The following SYN2 variants were observed in gnomAD, a reference collection of about 807,000 sequenced individuals.
SYN2 encodes synapsin-2.
SYN2 carries 19 observed loss-of-function variants against 50.9 expected under a neutral mutation model. That is an observed-to-expected ratio of 0.37 (90% CI 0.26 to 0.55). The LOEUF is 0.55. Among genes scored for constraint, SYN2 ranks in the 20% least tolerant of loss-of-function variants. SYN2 has a pLI of 0.81. For missense variants in SYN2, 587 were observed against 576.4 expected (o/e 1.02, Z -0.19); for synonymous variants, 255 against 224.9 (o/e 1.13, Z -1.20).
At chr3:12,017,440 T>A (rs1318269208) in intron 1 of SYN2, among the ~76,000 whole-genome samples, 1 of 152,216 alleles carries the variant, frequency 6.6e-6, no homozygotes, top group African/African-American at 2.4e-5. Flanking sequence ...CATGCTTCCA[T>A]GCTCCTAACC....
rs553187605 is a variant in SYN2, at chr3:12,155,839, C to T, written c.774+4513C>T. Among the ~76,000 whole-genome samples the T allele has an allele frequency of 2.6e-5, 4 of 152,250 alleles. No homozygotes were observed. In the South Asian group the frequency reaches 8.3e-4, roughly 32 times the overall value. On this transcript the variant is annotated intron_variant, in intron 5 of 12. Transcript: ENST00000621198. ...AGGGCAGGTGCTTAGGAAGGAGGTG[C>T]GATAATAGAGTTTGAAAGGGCCTGG...
chr3:12,039,259 C>T (rs757606343), intron 1 of SYN2, among the ~76,000 whole-genome samples: 19 of 152,054 alleles, frequency 1.2e-4, no homozygotes, highest in Non-Finnish European at 1.9e-4. Context: ...CTCACTTAGT[C>T]GTGTTATATA....
chr3:12,170,449 T>C (rs1697913150), intron 10 of SYN2, among the ~76,000 whole-genome samples: 1 of 152,242 alleles, frequency 6.6e-6, no homozygotes, highest in Non-Finnish European at 1.5e-5. Flanking sequence ...CCTTCTTCAG[T>C]TGGCTGTAGT....
At chr3:12,046,341 C>G (rs752712660) in intron 1 of SYN2, among the ~76,000 whole-genome samples, 24 of 152,060 alleles carry the variant, frequency 1.6e-4, no homozygotes, top group Non-Finnish European at 2.8e-4. Flanking sequence ...GGAGAAAGAA[C>G]ATGAAGCTTG....
chr3:12,185,865 C>A, intron 11 of SYN2: 1 of 721,362 alleles, frequency 1.4e-6, no homozygotes, highest in Non-Finnish European at 1.7e-6. Flanking sequence ...TGATGCCAAA[C>A]TTTGGAAGTG....
chr3:12,184,911 A>G lies in SYN2; in HGVS notation c.1369+1539A>G, dbSNP rs1300485201. The G allele has an allele frequency of 3.0e-6, 3 of 985,460 alleles. No individual in the cohort carries two copies. In the African/African-American group the frequency reaches 5.2e-5, roughly 17 times the overall value. 61.0% of individuals were successfully genotyped at this position (985,460 alleles called of 1,614,324 possible). ...AAGAAATGCTGCTGGCTCTATTTTTACATTCCCTTCCACCTCTATACTGTC... is the reference window on the plus strand; with the variant it reads ...AAGAAATGCTGCTGGCTCTATTTTTGCATTCCCTTCCACCTCTATACTGTC... On this transcript the variant is annotated intron_variant, in intron 11 of 12. Transcript: ENST00000621198.
chr3:12,112,269 A>G (rs939412366), intron 1 of SYN2, among the ~76,000 whole-genome samples: 1 of 152,132 alleles, frequency 6.6e-6, no homozygotes, highest in African/African-American at 2.4e-5. Flanking sequence ...TTCTTTGATC[A>G]GCTCTATTTT....
At chr3:12,057,940 T>C (rs1175264086) in intron 1 of SYN2, among the ~76,000 whole-genome samples, 1 of 152,204 alleles carries the variant, frequency 6.6e-6, no homozygotes, top group African/African-American at 2.4e-5. Flanking sequence ...TGTGGTCCTC[T>C]ATCTGCATCA....
At chr3:12,089,522 G>GA (rs1695780530) in intron 1 of SYN2, among the ~76,000 whole-genome samples, 1 of 152,216 alleles carries the variant, frequency 6.6e-6, no homozygotes, top group South Asian at 2.1e-4. Context: ...AACATTTAAA[G>GA]AAAAAAGCTG....
chr3:12,142,648 T>C (rs948169912), intron 3 of SYN2, among the ~76,000 whole-genome samples: 2 of 152,200 alleles, frequency 1.3e-5, no homozygotes, highest in Non-Finnish European at 1.5e-5. Context: ...CACAGAATTT[T>C]GTGAGAGAGG....
At chr3:12,116,073 G>A (rs1004161199) in intron 1 of SYN2, among the ~76,000 whole-genome samples, 2 of 152,134 alleles carry the variant, frequency 1.3e-5, no homozygotes, top group African/African-American at 2.4e-5. Flanking sequence ...GAAAAGATAG[G>A]CACCACTTGT....
At chr3:12,063,871 T>G (rs1695160553) in intron 1 of SYN2, among the ~76,000 whole-genome samples, 1 of 152,036 alleles carries the variant, frequency 6.6e-6, no homozygotes, top group South Asian at 2.1e-4. Context: ...CCATGCAGGA[T>G]AATTTCCAAT....
chr3:12,174,453 T>C (rs1574886405), intron 10 of SYN2, among the ~76,000 whole-genome samples: 1 of 152,126 alleles, frequency 6.6e-6, no homozygotes, highest in East Asian at 1.9e-4. Flanking sequence ...TGTATTAGGC[T>C]GTGCTCTCTC....
At chr3:12,164,984 CTTT>C (rs68043865) in intron 7 of SYN2, among the ~76,000 whole-genome samples, 3 of 92,338 alleles carry the variant, frequency 3.2e-5, no homozygotes, top group Non-Finnish European at 4.3e-5. Context: ...TTTTTCTTTT[CTTT>C]TTTTTTTTTT....
At chr3:12,156,938 A>G (rs531019174) in intron 5 of SYN2, 1 of 1,608,978 alleles carries the variant, frequency 6.2e-7, no homozygotes, top group Admixed American at 1.7e-5. Context: ...TGAACATCTG[A>G]CAGGCAATTA....
At chr3:12,159,740 A>T (rs1559446803) in intron 5 of SYN2, among the ~76,000 whole-genome samples, 1 of 152,160 alleles carries the variant, frequency 6.6e-6, no homozygotes, top group Admixed American at 6.5e-5. Flanking sequence ...AAGGTGGGAC[A>T]GCTTAGAAAA....
chr3:12,103,142 G>A (rs1297962663), intron 1 of SYN2, among the ~76,000 whole-genome samples: 1 of 152,076 alleles, frequency 6.6e-6, no homozygotes, highest in Admixed American at 6.6e-5. Flanking sequence ...AACTTCTAAG[G>A]TCCACAGTTA....
chr3:12,176,258 C>G (rs1488505912), intron 10 of SYN2, among the ~76,000 whole-genome samples: 2 of 152,204 alleles, frequency 1.3e-5, no homozygotes, highest in Admixed American at 1.3e-4. Context: ...GGGGACAGAG[C>G]TTTCAGGCCA....
At chr3:12,042,309 G>T (rs1694637439) in intron 1 of SYN2, among the ~76,000 whole-genome samples, 1 of 152,040 alleles carries the variant, frequency 6.6e-6, no homozygotes, top group African/African-American at 2.4e-5. Context: ...ATTTAAAGTT[G>T]AAGAAATTGC....
Sources: gnomAD v4.1 joint callset for allele counts (sites outside exome capture counted in the v4.1 genomes callset) on GRCh38, gnomAD v4.1.1 for gene constraint, MANE v1.5 for transcripts, NCBI Gene and HGNC (gene_info 2026-07-23, HGNC 2026-07-21) for gene names.